Variants in RSRC1 observed in about 807,000 individuals in gnomAD.
The protein encoded by RSRC1 is serine/Arginine-related protein 53.
A neutral mutation model predicts 49.1 loss-of-function variants in RSRC1; 39 were observed. That is an observed-to-expected ratio of 0.79 (90% CI 0.61 to 1.04). The LOEUF is 1.04. Among genes scored for constraint, RSRC1 ranks in the 50% least tolerant of loss-of-function variants. RSRC1 has a pLI of 0.00. For missense variants in RSRC1, 388 were observed against 402.4 expected (o/e 0.96, Z 0.31); for synonymous variants, 143 against 130.8 (o/e 1.09, Z -0.63).
intron 6 of RSRC1, among the ~76,000 whole-genome samples, chr3:158,397,701 C>A (rs930795753): frequency 5.3e-5 from 8 of 152,040 alleles, no homozygotes; most frequent in African/African-American, 1.9e-4. Context: ...CACAAGTTTT[C>A]TTTCAAGCCC....
chr3:158,540,314 A>G (rs1038097244), intron 8 of RSRC1, among the ~76,000 whole-genome samples: 1 of 152,202 alleles, frequency 6.6e-6, no homozygotes, highest in African/African-American at 2.4e-5. Flanking sequence ...ATAAATATTT[A>G]TTTAAATGTC....
intron 7 of RSRC1, among the ~76,000 whole-genome samples, chr3:158,474,004 G>GT (rs1316738046): frequency 1.3e-5 from 2 of 152,114 alleles, no homozygotes; most frequent in Non-Finnish European, 2.9e-5. Flanking sequence ...ATGATATGTT[G>GT]TATGTGTAGG....
chr3:158,229,370 A>ATATGTGTATG (rs1559952719), intron 4 of RSRC1, among the ~76,000 whole-genome samples: 5 of 107,424 alleles, frequency 4.7e-5, no homozygotes, highest in African/African-American at 1.5e-4. Flanking sequence ...ATACACACGT[A>ATATGTGTATG]TATGTGTATG....
chr3:158,361,799 A>G (rs1238633886), intron 6 of RSRC1, among the ~76,000 whole-genome samples: 2 of 152,008 alleles, frequency 1.3e-5, no homozygotes, highest in Non-Finnish European at 2.9e-5. Flanking sequence ...TTTCTCTTCT[A>G]TAAATGCCTT....
At chr3:158,195,872 G>C (rs1373301344) in intron 3 of RSRC1, among the ~76,000 whole-genome samples, 10 of 151,978 alleles carry the variant, frequency 6.6e-5, no homozygotes, top group South Asian at 2.1e-4. Flanking sequence ...TGTTTTGGTA[G>C]CAGTACCATG....
intron 4 of RSRC1, among the ~76,000 whole-genome samples, chr3:158,213,705 GGTT>G (rs1213875794): frequency 1.1e-4 from 16 of 151,822 alleles, no homozygotes; most frequent in Admixed American, 9.9e-4. Context: ...AAATCAATTT[GGTT>G]GTCATGTTGC....
chr3:158,159,765 T>G (rs970893864), intron 3 of RSRC1, among the ~76,000 whole-genome samples: 1 of 152,138 alleles, frequency 6.6e-6, no homozygotes, highest in East Asian at 1.9e-4. Flanking sequence ...CTTTAAAAAT[T>G]TTGAGCCTCA....
intron 3 of RSRC1, among the ~76,000 whole-genome samples, chr3:158,180,684 C>G (rs1357725164): frequency 1.3e-5 from 2 of 151,492 alleles, no homozygotes; most frequent in Non-Finnish European, 2.9e-5. Flanking sequence ...CCAGGCTGGT[C>G]TCTCAACTCC....
At chr3:158,151,673 T>C (rs1717544592) in intron 3 of RSRC1, among the ~76,000 whole-genome samples, 1 of 152,172 alleles carries the variant, frequency 6.6e-6, no homozygotes, top group African/African-American at 2.4e-5. Flanking sequence ...AGAACCAGTA[T>C]TCTTAAAATC....
At chr3:158,464,162 C>T (rs1407166724) in intron 7 of RSRC1, among the ~76,000 whole-genome samples, 1 of 151,984 alleles carries the variant, frequency 6.6e-6, no homozygotes, top group Non-Finnish European at 1.5e-5. Flanking sequence ...TCTAACTATA[C>T]TTTTAAAGTA....
At chr3:158,503,305 G>A (rs1173893111) in intron 7 of RSRC1, among the ~76,000 whole-genome samples, 2 of 152,066 alleles carry the variant, frequency 1.3e-5, no homozygotes, top group Non-Finnish European at 1.5e-5. Context: ...GGAGTGCAAT[G>A]GACTCCGTGA....
At position 158,470,361 on chromosome 3, in the gene RSRC1, CATATATAT is replaced by C. The variant is rs59508977; in HGVS notation, c.652+9370_652+9377del. ...ACACACACACACACACACACACACA[CATATATAT>C]ATATATATATAAAACCATCTTCAGT... is the stretch of plus-strand genomic sequence containing the variant. On this transcript the variant is annotated intron_variant, in intron 7 of 9. Transcript: ENST00000611884. 1.1e-3 allele frequency among the ~76,000 whole-genome samples: 115 copies of C among 100,344 alleles called. 1 individual carries two copies. The highest frequency in any genetic ancestry group is 3.1e-3 in the African/African-American group (95 of 30,246). 65.8% of individuals were successfully genotyped at this position (100,344 alleles called of 152,430 possible).
At chr3:158,404,762 C>T (rs1353108717) in intron 6 of RSRC1, among the ~76,000 whole-genome samples, 1 of 151,974 alleles carries the variant, frequency 6.6e-6, no homozygotes, top group Non-Finnish European at 1.5e-5. Context: ...AGAATATACA[C>T]TTGCATTTTA....
At chr3:158,162,608 A>G (rs9848977) in intron 3 of RSRC1, among the ~76,000 whole-genome samples, 96,159 of 152,008 alleles carry the variant, frequency 0.63, 31,028 homozygotes, top group East Asian at 0.73. Context: ...AGATATTATT[A>G]CCTGTAAGGA....
chr3:158,436,385 G>A (rs1736042936), intron 6 of RSRC1, among the ~76,000 whole-genome samples: 1 of 151,928 alleles, frequency 6.6e-6, no homozygotes, highest in East Asian at 1.9e-4. Flanking sequence ...TTGTAGTTGT[G>A]ACACAGCATC....
chr3:158,154,671 G>A (rs1717752841), intron 3 of RSRC1, among the ~76,000 whole-genome samples: 1 of 151,942 alleles, frequency 6.6e-6, no homozygotes, highest in Admixed American at 6.6e-5. Context: ...CACCATGTTG[G>A]CCAGGATGGT....
chr3:158,162,107 A>C (rs1718264575), intron 3 of RSRC1, among the ~76,000 whole-genome samples: 2 of 152,196 alleles, frequency 1.3e-5, no homozygotes, highest in South Asian at 4.1e-4. Flanking sequence ...TCTGAATAAT[A>C]GAAACTGCCA....
At chr3:158,470,313 C>T (rs934831925) in intron 7 of RSRC1, among the ~76,000 whole-genome samples, 1 of 141,266 alleles carries the variant, frequency 7.1e-6, no homozygotes, top group Non-Finnish European at 1.5e-5. Context: ...TTTTTCTCTG[C>T]TCTTAGAAAC....
intron 3 of RSRC1, among the ~76,000 whole-genome samples, chr3:158,197,093 T>A (rs555348486): frequency 1.3e-5 from 2 of 152,342 alleles, no homozygotes; most frequent in East Asian, 3.9e-4. Context: ...CTCCTCCTTG[T>A]ACCTCTGGTA....
Sources: allele counts gnomAD v4.1 joint callset (sites outside exome capture counted in the v4.1 genomes callset), GRCh38; gene constraint gnomAD v4.1.1; transcripts MANE v1.5; gene names NCBI Gene and HGNC (gene_info 2026-07-23, HGNC 2026-07-21).